Variants in IFT81 observed in about 807,000 individuals in gnomAD.
IFT81 encodes intraflagellar transport protein 81 homolog.
Under a neutral mutation model 102.6 loss-of-function variants are expected in IFT81, and 72 were observed. That is an observed-to-expected ratio of 0.70 (90% confidence interval 0.58 to 0.85). The LOEUF (loss-of-function observed/expected upper bound fraction) is 0.85, where lower values mean the gene tolerates loss of function less well. IFT81 is among the 40% of genes least tolerant of loss of function. The probability of loss-of-function intolerance (pLI) is 0.00; values close to 1 mark genes in which losing one functional copy is unlikely to be tolerated. For synonymous variants in IFT81, 237 were observed against 242.7 expected (o/e 0.98, Z 0.22); for missense variants, 723 against 787.3 (o/e 0.92, Z 0.98).
chr12:110,212,242 TAAA>T (rs11286720), intron 18 of IFT81, among the ~76,000 whole-genome samples: 10 of 139,768 alleles, frequency 7.2e-5, no homozygotes, highest in East Asian at 2.1e-4. Context: ...TTCCTTACTT[TAAA>T]AAAAAAAAAA....
intron 14 of IFT81, among the ~76,000 whole-genome samples, chr12:110,193,698 A>C (rs896686037): frequency 6.6e-6 from 1 of 152,214 alleles, no homozygotes; most frequent in Admixed American, 6.5e-5. Flanking sequence ...AAAAATACGT[A>C]ACTTACTTTA....
Position 110,184,167 on chromosome 12 carries a change from G to A in IFT81, c.1338+3596G>A, listed in dbSNP as rs185813929. Among the ~76,000 whole-genome samples, 15 of 152,186 alleles carry A rather than the reference G, an allele frequency of 9.9e-5. No homozygotes were observed. The South Asian group carries it at 2.9e-3, about 29-fold the overall frequency. On this transcript the variant is annotated intron_variant, in intron 12 of 18. Transcript: ENST00000242591. Reference sequence around the variant, plus strand: ...AGATCGAGACCATCTTGGCTAACACGGTGAAACCCTGTATTTACTAAAAAT... The same window carrying A: ...AGATCGAGACCATCTTGGCTAACACAGTGAAACCCTGTATTTACTAAAAAT...
chr12:110,210,568 A>G (rs1000248687), intron 18 of IFT81, among the ~76,000 whole-genome samples: 3 of 151,604 alleles, frequency 2.0e-5, no homozygotes, highest in Non-Finnish European at 2.9e-5. Flanking sequence ...GCAAGACCCC[A>G]TCTCTACAAA....
intron 11 of IFT81, among the ~76,000 whole-genome samples, chr12:110,166,845 TTA>T: frequency 6.6e-6 from 1 of 151,952 alleles, no homozygotes; most frequent in South Asian, 2.1e-4. Context: ...TTGCCAGAAA[TTA>T]TATGACAGCC....
At chr12:110,178,953 C>G (rs979196957) in intron 11 of IFT81, among the ~76,000 whole-genome samples, 2 of 151,596 alleles carry the variant, frequency 1.3e-5, no homozygotes, top group South Asian at 4.2e-4. Context: ...TTTGTTTGCT[C>G]TTCCAAACTC....
intron 5 of IFT81, among the ~76,000 whole-genome samples, chr12:110,133,870 T>G (rs1446711797): frequency 6.6e-6 from 1 of 152,272 alleles, no homozygotes; most frequent in East Asian, 1.9e-4. Flanking sequence ...CTCATACATT[T>G]TGGTCATTTC....
At chr12:110,205,902 A>G (rs1247680651) in intron 17 of IFT81, among the ~76,000 whole-genome samples, 2 of 152,202 alleles carry the variant, frequency 1.3e-5, no homozygotes, top group Admixed American at 1.3e-4. Context: ...GTGATAAAAT[A>G]TATAAAATTT....
chr12:110,205,486 GATACCATT>G lies in IFT81; in HGVS notation c.1693_1700del (p.His565LysfsTer5). 1 of 1,604,148 alleles carries G rather than the reference GATACCATT, an allele frequency of 6.2e-7. No individual in the cohort carries two copies. Among genetic ancestry groups the G allele is most frequent in the South Asian group, 1.1e-5 (1 of 88,658 alleles). On this transcript the variant is annotated frameshift_variant, in exon 16 of 19. Transcript: ENST00000242591. LOFTEE classifies it high-confidence loss of function. ...GAAGAATGTCTTCAAGAAGAAAGTA[GATACCATT>G]ATACAAATTGTATGATTAAGGTAAG...
chr12:110,205,569 C>T, intron 16 of IFT81, 26 bp from the exon 17 acceptor site: 1 of 1,587,550 alleles, frequency 6.3e-7, no homozygotes, highest in Non-Finnish European at 8.5e-7. Flanking sequence ...CAAAGTCTTC[C>T]CTAAAACTGA....
chr12:110,143,599 A>G (rs927937565), intron 9 of IFT81, 54 bp downstream of exon 9: 23 of 1,413,698 alleles, frequency 1.6e-5, no homozygotes, highest in Non-Finnish European at 2.2e-5. Flanking sequence ...CCCCAGTCCT[A>G]TAAAATTATG....
intron 10 of IFT81, among the ~76,000 whole-genome samples, chr12:110,153,669 G>A (rs547725109): frequency 2.7e-5 from 4 of 147,726 alleles, no homozygotes; most frequent in Non-Finnish European, 6.0e-5. Flanking sequence ...GGAGTGCAAT[G>A]GCGTGATCTT....
chr12:110,172,278 A>G (rs893319855), intron 11 of IFT81, among the ~76,000 whole-genome samples: 1 of 151,810 alleles, frequency 6.6e-6, no homozygotes, highest in Non-Finnish European at 1.5e-5. Context: ...AAAAATAGAA[A>G]AATTTGCCTC....
chr12:110,216,544 A>G (rs1376001799), intron 18 of IFT81: 30 of 452,362 alleles, frequency 6.6e-5, no homozygotes, highest in Admixed American at 6.6e-4. Context: ...CAGAGACGGA[A>G]TCTCACTCTG....
In IFT81 at chr12:110,205,584, T is replaced by C. The variant is rs776686892; in HGVS notation, c.1717-11T>C. 1 of 1,596,888 alleles carries C rather than the reference T, an allele frequency of 6.3e-7. No homozygotes were observed. Among genetic ancestry groups the C allele is most frequent in the South Asian group, 1.2e-5 (1 of 86,538 alleles). ...CAAAGTCTTCCCTAAAACTGAAGTC[T>C]TTCTATTTAGAACCTAGAAGTTCAA... On this transcript the variant is annotated splice_polypyrimidine_tract_variant and intron_variant, in intron 16 of 18. Coordinates refer to ENST00000242591, the MANE Select transcript of IFT81 (RefSeq NM_014055.4).
At position 110,161,886 on chromosome 12, in the gene IFT81, C is replaced by T. The variant is rs529455818; in HGVS notation, c.1042-1033C>T. ...TGTGCTAGAGATTTCGCTCTCCTGTCAAATTTCCTTGAAAAATTATTTGTA... is the reference window on the plus strand; with the variant it reads ...TGTGCTAGAGATTTCGCTCTCCTGTTAAATTTCCTTGAAAAATTATTTGTA... On this transcript the variant is annotated intron_variant, in intron 10 of 18. Coordinates refer to ENST00000242591, the MANE Select transcript of IFT81 (RefSeq NM_014055.4). Among the ~76,000 whole-genome samples the T allele has an allele frequency of 3.3e-5, 5 of 152,276 alleles. No individual in the cohort carries two copies. In the East Asian group the frequency reaches 9.6e-4, roughly 29 times the overall value.
intron 18 of IFT81, among the ~76,000 whole-genome samples, chr12:110,217,545 TTTTG>T (rs1003221269): frequency 1.3e-5 from 2 of 152,066 alleles, no homozygotes; most frequent in African/African-American, 2.4e-5. Context: ...GTGTAGTTTT[TTTTG>T]TTTGTTTGTT....
intron 14 of IFT81, among the ~76,000 whole-genome samples, chr12:110,195,370 C>G (rs1285151546): frequency 6.6e-5 from 10 of 152,072 alleles, no homozygotes. Flanking sequence ...CCTTCCTTCC[C>G]TCTCCTCTAG....
intron 18 of IFT81, among the ~76,000 whole-genome samples, chr12:110,211,631 A>T: frequency 6.6e-6 from 1 of 151,908 alleles, no homozygotes; most frequent in Non-Finnish European, 1.5e-5. Flanking sequence ...AGATTTAATT[A>T]TTCTTGTTTT....
At chr12:110,185,382 G>A (rs1038309784) in intron 12 of IFT81, among the ~76,000 whole-genome samples, 9 of 151,704 alleles carry the variant, frequency 5.9e-5, no homozygotes, top group Admixed American at 5.9e-4. Flanking sequence ...AGTAGAGACG[G>A]GGTTTCACCA....
Sources: gnomAD v4.1 joint callset for allele counts (sites outside exome capture counted in the v4.1 genomes callset) on GRCh38, gnomAD v4.1.1 for gene constraint, MANE v1.5 for transcripts, NCBI Gene and HGNC (gene_info 2026-07-23, HGNC 2026-07-21) for gene names.